Variants in ZNF418 observed in about 807,000 individuals in gnomAD.
The protein encoded by ZNF418 is zinc finger protein 418.
ZNF418 carries 32 observed loss-of-function variants against 32.0 expected under a neutral mutation model. The observed-to-expected ratio is 1.00, with a 90% CI of 0.75 to 1.34. The LOEUF (loss-of-function observed/expected upper bound fraction) is 1.34, where lower values mean the gene tolerates loss of function less well. Among genes scored for constraint, ZNF418 ranks in the 40% most tolerant of loss-of-function variants. The probability of loss-of-function intolerance (pLI) is 0.00; values close to 1 mark genes in which losing one functional copy is unlikely to be tolerated. For synonymous variants in ZNF418, 276 were observed against 270.7 expected (o/e 1.02, Z -0.19); for missense variants, 804 against 812.5 (o/e 0.99, Z 0.13).
rs753053241 is a variant in ZNF418, at chr19:57,926,257, T to A, written c.1924A>T (p.Thr642Ser). 1 of 1,613,918 alleles carries A rather than the reference T, an allele frequency of 6.2e-7. No individual in the cohort carries two copies. Among genetic ancestry groups the A allele is most frequent in the East Asian group, 2.2e-5 (1 of 44,892 alleles). The change falls in exon 4 of 6, where the codon ACT becomes TCT. Residue 642 changes from threonine (T) to serine (S), a missense_variant. Thr to Ser is a moderately conservative substitution (Grantham distance 58). Around this residue, in one of 3 missense-constraint regions of ZNF418, gnomAD observed 475 missense variants for 458.6 expected, o/e 1.04. Coordinates refer to ENST00000396147, the MANE Select transcript of ZNF418 (RefSeq NM_133460.3). ...FSLTEHRRVHTGERPYECSEC... is the reference protein window; with the variant it reads ...FSLTEHRRVHSGERPYECSEC... ...CTGCACTCATAAGGCCTTTCTCCAG[T>A]GTGTACTCTCCTGTGTTCAGTAAGA...
chr19:57,930,552 G>A lies in ZNF418; in HGVS notation c.9C>T (p.Gly3=), dbSNP rs969292064. 6.2e-7 allele frequency: 1 copy of A among 1,613,798 alleles called. No individual in the cohort carries two copies. The highest frequency in any genetic ancestry group is 8.5e-7 in the Non-Finnish European group (1 of 1,179,968). The part of the protein sequence containing the change: MQ[G]TVAFEDVAVN... ...CAGCCACATCTTCAAATGCCACAGT[G>A]CCCTGCTATGATGGTGACAGATGAA... The change falls in exon 3 of 6, where the codon GGC becomes GGT. Residue 3 remains glycine, a splice_region_variant and synonymous_variant. Transcript: ENST00000396147.
chr19:57,922,560 G>A lies in ZNF418; in HGVS notation c.*695C>T, dbSNP rs373380149. ...CAGTTCATATTTATAATCTTGGGCT[G>A]GAGGCAAATGCATACAGTTTACCAA... On this transcript the variant is annotated 3_prime_UTR_variant, in exon 6 of 6. Coordinates refer to ENST00000396147, the MANE Select transcript of ZNF418 (RefSeq NM_133460.3). 13 of 398,550 alleles carry A rather than the reference G, an allele frequency of 3.3e-5. No homozygotes were observed. Among genetic ancestry groups the A allele is most frequent in the African/African-American group, 2.5e-4 (12 of 48,746 alleles). 24.7% of individuals were successfully genotyped at this position (398,550 alleles called of 1,614,324 possible). A position where few individuals can be genotyped will look rare whatever the true frequency, so the allele number is the denominator to read the frequency against.
intron 4 of ZNF418, among the ~76,000 whole-genome samples, chr19:57,925,267 T>C (rs1164870496): frequency 2.0e-5 from 3 of 152,110 alleles, no homozygotes; most frequent in East Asian, 1.9e-4. Context: ...GAGACCATCC[T>C]GGCTAACACG....
chr19:57,934,908 C>T (rs1283847134), intron 1 of ZNF418: 3 of 770,912 alleles, frequency 3.9e-6, no homozygotes, highest in Non-Finnish European at 3.6e-6. Flanking sequence ...CACGTTGTTC[C>T]CTACAGGCGC....
intron 4 of ZNF418, among the ~76,000 whole-genome samples, chr19:57,925,227 A>G (rs10419185): frequency 0.29 from 43,704 of 152,024 alleles, 6,436 homozygotes; most frequent in Non-Finnish European, 0.32. Context: ...TTGGGAGGCC[A>G]AGGAGGGCAG....
rs201485152 is a variant in ZNF418, at chr19:57,926,209, G to C, written c.1972C>G (p.Arg658Gly). 2.5e-6 allele frequency: 4 copies of C among 1,614,032 alleles called. No homozygotes were observed. Among genetic ancestry groups the C allele is most frequent in the Non-Finnish European group, 3.4e-6 (4 of 1,179,922 alleles). ...ECSECGKSFH[R>G]SSSLLRHQRV... Reference sequence around the variant, plus strand: ...TGATGTCGAAGGAGAGAAGAGCTTCGATGAAATGATTTTCCACATTCACTG... The same window carrying C: ...TGATGTCGAAGGAGAGAAGAGCTTCCATGAAATGATTTTCCACATTCACTG... Residue 658 changes from arginine (R) to glycine (G), a missense_variant, in exon 4 of 6, where the codon CGA (arginine) becomes GGA (glycine). Around this residue, in one of 3 missense-constraint regions of ZNF418, gnomAD observed 475 missense variants for 458.6 expected, o/e 1.04. Transcript: ENST00000396147.
chr19:57,923,457 T>C lies in ZNF418; in HGVS notation c.*528-168A>G, dbSNP rs375372331. The stretch of plus-strand genomic sequence containing the variant: ...ACACACACATACATATATACACACA[T>C]ATATATACATATATACATACATATA... On this transcript the variant is annotated intron_variant, in intron 4 of 5. Transcript: ENST00000396147. 5.2e-4 allele frequency among the ~76,000 whole-genome samples: 78 copies of C among 150,868 alleles called. 3 individuals are homozygous for C. Among genetic ancestry groups the C allele is most frequent in the South Asian group, 1.0e-3 (5 of 4,792 alleles).
chr19:57,932,397 T>C (rs752563362), intron 2 of ZNF418: 15 of 1,529,780 alleles, frequency 9.8e-6, no homozygotes, highest in South Asian at 1.2e-5. Context: ...ATTCAGAGTA[T>C]GCTTGGCAAA....
chr19:57,929,785 C>A (rs1352480603), intron 3 of ZNF418, among the ~76,000 whole-genome samples: 1 of 151,988 alleles, frequency 6.6e-6, no homozygotes, highest in Non-Finnish European at 1.5e-5. Flanking sequence ...CAGGTTCACA[C>A]CATTCTCCTG....
rs200035509 is a variant in ZNF418 at position 57,926,596 on chromosome 19, G to A, written c.1585C>T (p.Arg529Trp). Residue 529 changes from arginine (R) to tryptophan (W), a missense_variant, in exon 4 of 6, where the codon CGG becomes TGG. Physicochemically the swap from Arg to Trp is moderately radical, Grantham distance 101. Around this residue, in one of 3 missense-constraint regions of ZNF418, gnomAD observed 475 missense variants for 458.6 expected, o/e 1.04. Coordinates refer to ENST00000396147, the MANE Select transcript of ZNF418 (RefSeq NM_133460.3). ...GGCCTTTCTCCAGTATGAACTCTCC[G>A]ATGTCGAAGGAGGGAACAGCTTTGA... Reference protein sequence around the residue: ...FPQSCSLLRHRRVHTGERPYE... With the variant: ...FPQSCSLLRHWRVHTGERPYE... 65 of 1,614,046 alleles carry A rather than the reference G, an allele frequency of 4.0e-5. No individual in the cohort carries two copies. The highest frequency in any genetic ancestry group is 1.6e-4 in the Middle Eastern group (1 of 6,062).
chr19:57,932,087 C>T (rs2072511774), intron 2 of ZNF418, among the ~76,000 whole-genome samples: 1 of 152,230 alleles, frequency 6.6e-6, no homozygotes, highest in South Asian at 2.1e-4. Flanking sequence ...GTGTTATGCA[C>T]ACTTTGTAGG....
chr19:57,929,784 A>G (rs2072406322), intron 3 of ZNF418, among the ~76,000 whole-genome samples: 1 of 151,344 alleles, frequency 6.6e-6, no homozygotes, highest in Non-Finnish European at 1.5e-5. Flanking sequence ...CCAGGTTCAC[A>G]CCATTCTCCT....
intron 1 of ZNF418, chr19:57,934,160 C>A (rs117127890): frequency 4.0e-6 from 5 of 1,261,234 alleles, no homozygotes; most frequent in Non-Finnish European, 5.0e-6. Context: ...CAGGACATCA[C>A]AAGCTAGAGA....
At chr19:57,925,401 C>A (rs2072175291) in intron 4 of ZNF418, among the ~76,000 whole-genome samples, 1 of 150,836 alleles carries the variant, frequency 6.6e-6, no homozygotes, top group Admixed American at 6.6e-5. Context: ...GCGGAGCTTG[C>A]AGTGAGCTGA....
At chr19:57,934,919 C>T in intron 1 of ZNF418, 2 of 950,228 alleles carry the variant, frequency 2.1e-6, no homozygotes, top group South Asian at 2.1e-5. Context: ...CTACAGGCGC[C>T]TGTGGACCCC....
At position 57,926,194 on chromosome 19, in the gene ZNF418, GGA is replaced by G. The variant is rs1398514765; in HGVS notation, c.1985_1986del (p.Leu662ProfsTer114). 2.5e-6 allele frequency: 4 copies of G among 1,613,824 alleles called. No homozygotes were observed. The African/African-American group carries it at 4.0e-5, about 16-fold the overall frequency. On this transcript the variant is annotated frameshift_variant, in exon 4 of 6. Transcript: ENST00000396147. LOFTEE classifies it low-confidence loss of function (END_TRUNC). ...CGKSFHRSSS[L>X]LRHQRVHTER... ...TCTGTGTGAACTCTCTGATGTCGAA[GGA>G]GAGAAGAGCTTCGATGAAATGATTT... is the stretch of plus-strand genomic sequence containing the variant.
chr19:57,927,063 T>C lies in ZNF418; in HGVS notation c.1118A>G (p.Glu373Gly). ...GHTSERPYECEECGKCFSQKG... is the reference protein window; with the variant it reads ...GHTSERPYECGECGKCFSQKG... ...TTGACTAAAACATTTTCCACATTCT[T>C]CACACTCATAAGGTCTTTCACTAGT... The change falls in exon 4 of 6, where the codon GAA becomes GGA. Residue 373 changes from glutamate to glycine, a missense_variant. Glu to Gly is a moderately conservative substitution (Grantham distance 98, BLOSUM62 -2). This residue lies in a region of ZNF418 where 475 missense variants were observed against 458.6 expected (regional missense o/e 1.04). Coordinates refer to ENST00000396147, the MANE Select transcript of ZNF418 (RefSeq NM_133460.3). 1 of 1,613,236 alleles carries C rather than the reference T, an allele frequency of 6.2e-7. No homozygotes were observed. Among genetic ancestry groups the C allele is most frequent in the Non-Finnish European group, 8.5e-7 (1 of 1,179,848 alleles).
chr19:57,931,148 A>G (rs1291509989), intron 2 of ZNF418, among the ~76,000 whole-genome samples: 1 of 152,144 alleles, frequency 6.6e-6, no homozygotes, highest in Non-Finnish European at 1.5e-5. Flanking sequence ...GAGCTCACAT[A>G]AAGCCCAGTG....
At chr19:57,932,561 TGCAC>T (rs2072528748) in intron 2 of ZNF418, 1 of 1,534,146 alleles carries the variant, frequency 6.5e-7, no homozygotes, top group African/African-American at 1.4e-5. Context: ...ACTTCTGTGT[TGCAC>T]TTGGTGACCC....
Sources: gnomAD v4.1 joint callset for allele counts (sites outside exome capture counted in the v4.1 genomes callset) on GRCh38, gnomAD v4.1.1 for gene constraint, gnomAD v4.1.1 regional missense constraint, MANE v1.5 for transcripts, NCBI Gene and HGNC (gene_info 2026-07-23, HGNC 2026-07-21) for gene names.